The following SH2D1A variants were observed in gnomAD, a reference collection of about 807,000 sequenced individuals.
SH2D1A encodes the protein SH2 domain-containing protein 1A.
Under a neutral mutation model 10.1 loss-of-function variants are expected in SH2D1A, and 6 were observed. The observed-to-expected ratio is 0.60, with a 90% CI of 0.33 to 1.18. The LOEUF is 1.18. SH2D1A is among the 50% of genes most tolerant of loss of function. The pLI, the probability that SH2D1A is intolerant of heterozygous loss-of-function variation, is 0.04. For missense variants in SH2D1A, 51 were observed against 97.6 expected (o/e 0.52, Z 2.01); for synonymous variants, 42 against 36.9 (o/e 1.14, Z -0.51).
chrX:124,366,299 C>T (rs1388770334), intron 2 of SH2D1A, among the ~76,000 whole-genome samples: 1 of 110,961 alleles, frequency 9.0e-6, no homozygotes, highest in African/African-American at 3.3e-5. Flanking sequence ...AATCTGGGTT[C>T]CAGGTCTGGT....
At chrX:124,363,591 G>A (rs914976821) in intron 1 of SH2D1A, among the ~76,000 whole-genome samples, 3 of 111,031 alleles carry the variant, frequency 2.7e-5, no homozygotes, top group Non-Finnish European at 5.7e-5. Context: ...TGTGCTGTCA[G>A]CTGTATAATA....
rs2059993674 is a variant in SH2D1A, at chrX:124,346,733, C to T, written c.91C>T (p.Leu31=). ...CACTGGGCTGGATGGCAGCTATTTG[C>T]TGAGGGACAGCGAGAGCGTGCCAGG... ...LATGLDGSYL[L]RDSESVPGVY... The change falls in exon 1 of 4, where the codon CTG becomes TTG. Residue 31 remains leucine (L), a synonymous_variant. Transcript: ENST00000371139. 2 of 1,211,708 alleles carry T rather than the reference C, an allele frequency of 1.7e-6. No individual in the cohort carries two copies. Among genetic ancestry groups the T allele is most frequent in the South Asian group, 1.8e-5 (1 of 57,000 alleles).
chrX:124,359,230 T>C (rs2060033679), intron 1 of SH2D1A, among the ~76,000 whole-genome samples: 1 of 111,892 alleles, frequency 8.9e-6, no homozygotes. Context: ...GAAAGTGAGA[T>C]AAGATCAGAT....
intron 1 of SH2D1A, among the ~76,000 whole-genome samples, chrX:124,364,657 T>G (rs1394300305): frequency 9.0e-6 from 1 of 111,045 alleles, no homozygotes; most frequent in Non-Finnish European, 1.9e-5. Flanking sequence ...GGACTACAGG[T>G]GCGTGCCACC....
rs777201537 is a variant in SH2D1A at position 124,370,313 on chromosome X, T to C, written c.339T>C (p.Gly113=). The C allele has an allele frequency of 8.3e-7, 1 of 1,203,387 alleles. No individual in the cohort carries two copies. The highest frequency in any genetic ancestry group is 3.0e-5 in the East Asian group (1 of 33,797). ...EKKSSARSTQ[G]TTGIREDPDV... ...AGTCCTCAGCTAGAAGTACACAAGG[T>C]ACTACAGGTATGATTTCCTCTTAAT... Residue 113 remains glycine (G), a synonymous_variant, in exon 3 of 4, where the codon GGT becomes GGC. Transcript: ENST00000371139.
intron 2 of SH2D1A, among the ~76,000 whole-genome samples, chrX:124,368,466 CA>C (rs1459647935): frequency 2.7e-5 from 3 of 111,597 alleles, no homozygotes; most frequent in Non-Finnish European, 5.7e-5. Flanking sequence ...AATGACTTTA[CA>C]AGCCACAAGA....
intron 2 of SH2D1A, chrX:124,367,554 T>C (rs1406257276): frequency 2.7e-5 from 3 of 112,245 alleles, no homozygotes; most frequent in Non-Finnish European, 5.6e-5. Context: ...GGGTAAATGA[T>C]AGATATTAAT....
At chrX:124,347,135 C>T (rs924950408) in intron 1 of SH2D1A, among the ~76,000 whole-genome samples, 1 of 111,616 alleles carries the variant, frequency 9.0e-6, no homozygotes, top group Non-Finnish European at 1.9e-5. Context: ...TATCGGGTGG[C>T]GCCCTGCGAG....
chrX:124,370,426 GA>G, intron 3 of SH2D1A, 106 bp downstream of exon 3: 1 of 663,403 alleles, frequency 1.5e-6, no homozygotes, highest in Middle Eastern at 3.1e-4. Context: ...AAAATGCAGT[GA>G]GAAAGTAGAT....
In SH2D1A at chrX:124,372,939, A is replaced by T. The variant is rs2060073357; in HGVS notation, c.*1548A>T. ...AATTTAAAAATCCTACTTTCATAAT[A>T]AGTTGCATAGGTTTAATAATTTTTA... On this transcript the variant is annotated 3_prime_UTR_variant, in exon 4 of 4. Transcript: ENST00000371139. 6.4e-6 allele frequency: 1 copy of T among 155,953 alleles called. No homozygotes were observed. Among genetic ancestry groups the T allele is most frequent in the South Asian group, 3.3e-4 (1 of 3,000 alleles). The allele number at this position is 155,953 out of a possible 1,213,427, so 12.9% of individuals were successfully genotyped here.
At chrX:124,366,269 CTA>C (rs1282506190) in intron 2 of SH2D1A, among the ~76,000 whole-genome samples, 2 of 110,898 alleles carry the variant, frequency 1.8e-5, no homozygotes, top group Non-Finnish European at 3.8e-5. Flanking sequence ...GTGGAAGAAA[CTA>C]GGCTTTGTCA....
At chrX:124,357,625 C>T (rs1049377244) in intron 1 of SH2D1A, among the ~76,000 whole-genome samples, 1 of 111,482 alleles carries the variant, frequency 9.0e-6, no homozygotes, top group African/African-American at 3.3e-5. Context: ...TGCAAGGGTT[C>T]CCTTCTCTCT....
At chrX:124,353,745 A>G (rs1396228106) in intron 1 of SH2D1A, among the ~76,000 whole-genome samples, 2 of 112,198 alleles carry the variant, frequency 1.8e-5, no homozygotes, top group Non-Finnish European at 3.8e-5. Flanking sequence ...TACTTATCTG[A>G]TGGAAGATTT....
At chrX:124,371,311 G>A (rs760630311) in intron 3 of SH2D1A, 40 bp from the exon 4 acceptor site, 4 of 955,437 alleles carry the variant, frequency 4.2e-6, no homozygotes, top group Non-Finnish European at 6.0e-6. Flanking sequence ...TTAATAGTTT[G>A]TAAGTTTATT....
At chrX:124,366,930 T>G (rs747089717) in intron 2 of SH2D1A, among the ~76,000 whole-genome samples, 3 of 108,383 alleles carry the variant, frequency 2.8e-5, no homozygotes, top group Non-Finnish European at 3.9e-5. Flanking sequence ...CGTTTGTATA[T>G]TATTTCGCCA....
intron 1 of SH2D1A, among the ~76,000 whole-genome samples, chrX:124,364,942 T>C (rs1484514669): frequency 9.0e-6 from 1 of 110,858 alleles, no homozygotes; most frequent in African/African-American, 3.3e-5. Flanking sequence ...GCATTCTTTA[T>C]CTTTTATACT....
At chrX:124,351,289 T>G (rs1215577764) in intron 1 of SH2D1A, among the ~76,000 whole-genome samples, 1 of 107,825 alleles carries the variant, frequency 9.3e-6, no homozygotes, top group East Asian at 2.8e-4. Flanking sequence ...GTATACCATA[T>G]TTTGCTTAGC....
At chrX:124,365,914 TAAGTATTCATAAGGTTTAAATCTCTA>T in intron 2 of SH2D1A, 90 bp downstream of exon 2, 1 of 571,043 alleles carries the variant, frequency 1.8e-6, no homozygotes, top group Non-Finnish European at 3.1e-6. Context: ...TATACATTAT[TAAGTATTCATAAGGTTTAAATCTCTA>T]AAGCTCCAAT....
chrX:124,365,899 C>T, intron 2 of SH2D1A, 75 bp downstream of exon 2: 1 of 614,825 alleles, frequency 1.6e-6, no homozygotes. Context: ...TATAAAAGAG[C>T]AAATTATACA....
Sources: allele counts gnomAD v4.1 joint callset (sites outside exome capture counted in the v4.1 genomes callset), GRCh38; gene constraint gnomAD v4.1.1; transcripts MANE v1.5; gene names NCBI Gene and HGNC (gene_info 2026-07-23, HGNC 2026-07-21).